Variants in PPARGC1A observed in about 807,000 individuals in gnomAD.
PPARGC1A encodes the protein peroxisome proliferator-activated receptor gamma coactivator 1-alpha.
A neutral mutation model predicts 88.7 loss-of-function variants in PPARGC1A; 25 were observed. The observed-to-expected ratio is 0.28, with a 90% confidence interval of 0.21 to 0.39. The LOEUF is 0.39. Ranked by LOEUF, PPARGC1A falls within the 10% of genes least tolerant of loss-of-function variation. PPARGC1A has a pLI of 1.00. For missense variants in PPARGC1A, 880 were observed against 968.7 expected (o/e 0.91, Z 1.22); for synonymous variants, 363 against 355.6 (o/e 1.02, Z -0.24).
chr4:23,901,389 A>C (rs1040820212), upstream of PPARGC1A, among the ~76,000 whole-genome samples: 1 of 133,172 alleles, frequency 7.5e-6, no homozygotes, highest in Non-Finnish European at 1.7e-5. Flanking sequence ...AAAAAAAAAA[A>C]AGTAAGTAGC....
the PPARGC1A span, among the ~76,000 whole-genome samples, chr4:23,918,324 C>T: frequency 3.3e-5 from 5 of 151,814 alleles, no homozygotes; most frequent in Admixed American, 6.6e-5. Context: ...CAGGTTCAAG[C>T]AATTCTCCTG....
chr4:23,910,786 T>C, the PPARGC1A span, among the ~76,000 whole-genome samples: 1 of 144,002 alleles, frequency 6.9e-6, no homozygotes, highest in Non-Finnish European at 1.5e-5. Flanking sequence ...TTTACACTTA[T>C]TATCTTATGA....
chr4:24,124,296 T>C, the PPARGC1A span, among the ~76,000 whole-genome samples: 1 of 152,196 alleles, frequency 6.6e-6, no homozygotes, highest in Non-Finnish European at 1.5e-5. Context: ...ATAGTACAGC[T>C]TAGCTGGGAT....
the PPARGC1A span, among the ~76,000 whole-genome samples, chr4:24,043,920 A>G: frequency 2.0e-5 from 3 of 152,178 alleles, no homozygotes; most frequent in Admixed American, 6.5e-5. Context: ...GACATGGAGG[A>G]AGGACATTTG....
At chr4:24,284,898 G>C in the PPARGC1A span, among the ~76,000 whole-genome samples, 12 of 152,078 alleles carry the variant, frequency 7.9e-5, no homozygotes, top group Admixed American at 3.3e-4. Flanking sequence ...CATGGTGGCA[G>C]GTGCCTGTAA....
chr4:24,400,931 C>T, the PPARGC1A span, among the ~76,000 whole-genome samples: 1 of 150,936 alleles, frequency 6.6e-6, no homozygotes, highest in Non-Finnish European at 1.5e-5. Context: ...TCCAAAGAGG[C>T]ATGATTCAAA....
the PPARGC1A span, among the ~76,000 whole-genome samples, chr4:24,012,714 G>A: frequency 6.6e-6 from 1 of 152,066 alleles, no homozygotes; most frequent in South Asian, 2.1e-4. Flanking sequence ...TTCAGATCAG[G>A]TGGGAAGAAA....
chr4:24,096,043 A>C, the PPARGC1A span, among the ~76,000 whole-genome samples: 1 of 152,074 alleles, frequency 6.6e-6, no homozygotes, highest in Non-Finnish European at 1.5e-5. Context: ...GAATTGGAGG[A>C]GGGGCCTGGT....
chr4:23,807,755 ATG>A (rs34783122), intron 10 of PPARGC1A, among the ~76,000 whole-genome samples: 1 of 147,996 alleles, frequency 6.8e-6, no homozygotes, highest in Admixed American at 6.7e-5. Context: ...GTGTGTGTGT[ATG>A]TGTGTGTGTG....
the PPARGC1A span, among the ~76,000 whole-genome samples, chr4:24,292,066 C>A: frequency 3.9e-5 from 6 of 152,090 alleles, no homozygotes; most frequent in African/African-American, 1.2e-4. Context: ...GAGAGACAGA[C>A]CTAAAGGTGA....
At chr4:23,802,198 C>A (rs1718883555) in intron 11 of PPARGC1A, 26 bp downstream of exon 11, 1 of 1,613,676 alleles carries the variant, frequency 6.2e-7, no homozygotes, top group African/African-American at 1.3e-5. Flanking sequence ...AGCTTCTAAA[C>A]AAGAAATAAT....
At chr4:23,896,697 T>G (rs1306436353) in intron 1 of PPARGC1A, among the ~76,000 whole-genome samples, 1 of 152,180 alleles carries the variant, frequency 6.6e-6, no homozygotes. Context: ...TTTAAAAATC[T>G]TAATTAGCCC....
the PPARGC1A span, among the ~76,000 whole-genome samples, chr4:24,309,242 CTGAT>C: frequency 6.6e-6 from 1 of 152,198 alleles, no homozygotes; most frequent in East Asian, 1.9e-4. Flanking sequence ...AGTAACTCTC[CTGAT>C]TGATTAGGCA....
the PPARGC1A span, among the ~76,000 whole-genome samples, chr4:23,950,762 A>G: frequency 6.6e-6 from 1 of 152,154 alleles, no homozygotes; most frequent in Admixed American, 6.6e-5. Flanking sequence ...CACTTCATGT[A>G]AAACATATTA....
At chr4:23,920,602 G>C in the PPARGC1A span, among the ~76,000 whole-genome samples, 1 of 152,152 alleles carries the variant, frequency 6.6e-6, no homozygotes, top group Admixed American at 6.5e-5. Context: ...ACAGTTCAAA[G>C]CTTCATTTTC....
At chr4:23,906,628 G>T, upstream of PPARGC1A, among the ~76,000 whole-genome samples, 1 of 136,782 alleles carries the variant, frequency 7.3e-6, no homozygotes, top group African/African-American at 2.8e-5. Context: ...AAAAAAAAAA[G>T]AAGATATTTT....
At chr4:24,239,984 C>A in the PPARGC1A span, among the ~76,000 whole-genome samples, 1 of 152,110 alleles carries the variant, frequency 6.6e-6, no homozygotes, top group Non-Finnish European at 1.5e-5. Context: ...CCAGGCACCT[C>A]AGCTCTCTCC....
the PPARGC1A span, among the ~76,000 whole-genome samples, chr4:23,925,889 A>C: frequency 0.031 from 4,757 of 152,316 alleles, 88 homozygotes; most frequent in Middle Eastern, 0.065. Flanking sequence ...CTTCTAGTCA[A>C]GGCAGTTCCC....
At chr4:24,088,367 AAAGAAAG>A in the PPARGC1A span, among the ~76,000 whole-genome samples, 1 of 152,116 alleles carries the variant, frequency 6.6e-6, no homozygotes, top group Non-Finnish European at 1.5e-5. Flanking sequence ...ATCTAAAAAA[AAAGAAAG>A]AAGAAGGAAG....
Sources: allele counts gnomAD v4.1 joint callset (sites outside exome capture counted in the v4.1 genomes callset), GRCh38; gene constraint gnomAD v4.1.1; transcripts MANE v1.5; gene names NCBI Gene and HGNC (gene_info 2026-07-23, HGNC 2026-07-21).